Variants in KMT2C observed in about 807,000 individuals in gnomAD.
The protein encoded by KMT2C is lysine methyltransferase 2C, also known as histone-lysine N-methyltransferase 2C.
KMT2C carries 88 observed loss-of-function variants against 507.9 expected under a neutral mutation model. The ratio of observed to expected loss-of-function variants is 0.17; its 90% CI spans 0.15 to 0.21. The LOEUF (loss-of-function observed/expected upper bound fraction) is 0.21. KMT2C is among the 10% of genes least tolerant of loss of function. KMT2C has a pLI of 1.00. For synonymous variants in KMT2C, 2,049 were observed against 2,080.8 expected, an observed-to-expected ratio of 0.98 and a Z score of 0.42; for missense variants, 4,954 against 5,957.8, an observed-to-expected ratio of 0.83 and a Z score of 5.55.
intron 58 of KMT2C, 169 bp from the exon 59 acceptor site, chr7:152,137,093 T>C (rs1452812660): frequency 1.0e-5 from 6 of 602,768 alleles, no homozygotes; most frequent in Non-Finnish European, 1.8e-5. Context: ...AAAAGAGGCA[T>C]TGTGCTTGCA....
chr7:152,139,345 A>T, intron 56 of KMT2C, 86 bp from the exon 57 acceptor site: 1 of 1,246,600 alleles, frequency 8.0e-7, no homozygotes, highest in Non-Finnish European at 1.2e-6. Context: ...GACTCAGTCG[A>T]AACTGAACGG....
In KMT2C at chr7:152,176,534, C is replaced by T. The variant is rs780725159; in HGVS notation, c.8919G>A (p.Val2973=). The T allele has an allele frequency of 1.2e-6, 2 of 1,613,998 alleles. No individual in the cohort carries two copies. The highest frequency in any genetic ancestry group is 1.7e-6 in the Non-Finnish European group (2 of 1,180,030). ...CATGGTTTACCCTAGAGACTACTGTCACATTAGAATTCATGGCATTATCCA... is the reference window on the plus strand; with the variant it reads ...CATGGTTTACCCTAGAGACTACTGTTACATTAGAATTCATGGCATTATCCA... The part of the protein sequence containing the change: ...RVLDNAMNSN[V]TVVSRVNHVF... Residue 2973 remains valine, a synonymous_variant, in exon 38 of 59, where the codon GTG becomes GTA. Coordinates refer to ENST00000262189, the MANE Select transcript of KMT2C (RefSeq NM_170606.3).
intron 27 of KMT2C, 133 bp downstream of exon 27, chr7:152,199,146 T>TA: frequency 3.0e-6 from 2 of 667,310 alleles, no homozygotes; most frequent in Non-Finnish European, 4.9e-6. Context: ...TTACTGAATG[T>TA]AAGTTATACT....
intron 7 of KMT2C, among the ~76,000 whole-genome samples, chr7:152,269,944 T>C (rs1241830771): frequency 6.6e-6 from 1 of 152,150 alleles, no homozygotes; most frequent in Non-Finnish European, 1.5e-5. Flanking sequence ...TTATCACAGA[T>C]CCTTAAACCT....
intron 55 of KMT2C, among the ~76,000 whole-genome samples, chr7:152,141,712 CAAAAAAAA>C (rs1249621681): frequency 1.6e-5 from 1 of 61,872 alleles, no homozygotes; most frequent in Non-Finnish European, 3.5e-5. Context: ...GACTCTGTCT[CAAAAAAAA>C]AAAAAAAAAA....
intron 41 of KMT2C, among the ~76,000 whole-genome samples, chr7:152,168,285 T>C (rs962903054): frequency 2.0e-5 from 3 of 152,214 alleles, no homozygotes; most frequent in Non-Finnish European, 2.9e-5. Flanking sequence ...AATATTGTCA[T>C]ACATTAAGAA....
intron 18 of KMT2C, among the ~76,000 whole-genome samples, chr7:152,228,134 A>T (rs1015146747): frequency 6.6e-6 from 1 of 152,158 alleles, no homozygotes; most frequent in African/African-American, 2.4e-5. Flanking sequence ...TATTACATTG[A>T]TATTGTACAG....
At chr7:152,288,940 C>T (rs1175669903) in intron 6 of KMT2C, among the ~76,000 whole-genome samples, 1 of 152,282 alleles carries the variant, frequency 6.6e-6, no homozygotes, top group Non-Finnish European at 1.5e-5. Flanking sequence ...GCAAAAACAT[C>T]CATTAGTAAT....
intron 23 of KMT2C, chr7:152,220,288 G>A: frequency 5.8e-6 from 3 of 513,086 alleles, no homozygotes; most frequent in South Asian, 4.8e-5. Flanking sequence ...CAAAGATATG[G>A]TGCTCCTTGA....
intron 55 of KMT2C, among the ~76,000 whole-genome samples, chr7:152,141,735 C>A (rs1486401252): frequency 7.3e-6 from 1 of 136,724 alleles, no homozygotes; most frequent in Non-Finnish European, 1.5e-5. Context: ...AAAAAAAATT[C>A]ATGCCAGCCA....
intron 9 of KMT2C, among the ~76,000 whole-genome samples, 158 bp from the exon 10 acceptor site, chr7:152,252,873 G>A (rs2095583154): frequency 6.7e-6 from 1 of 149,824 alleles, no homozygotes; most frequent in South Asian, 2.1e-4. Flanking sequence ...TTTTTTTTGA[G>A]ATGGACTCTT....
intron 9 of KMT2C, among the ~76,000 whole-genome samples, chr7:152,253,325 C>T (rs1447062778): frequency 1.3e-5 from 2 of 151,560 alleles, no homozygotes; most frequent in Non-Finnish European, 2.9e-5. Context: ...AAAAAAGAAA[C>T]ATATGCTAGG....
At chr7:152,199,218 A>C in intron 27 of KMT2C, 61 bp downstream of exon 27, 1 of 1,333,244 alleles carries the variant, frequency 7.5e-7, no homozygotes, top group Non-Finnish European at 1.0e-6. Context: ...AAAAGATTTA[A>C]CTGAAAGGAA....
At chr7:152,413,920 A>C (rs1208748369) in intron 1 of KMT2C, among the ~76,000 whole-genome samples, 1 of 150,012 alleles carries the variant, frequency 6.7e-6, no homozygotes, top group Non-Finnish European at 1.5e-5. Context: ...GTCATTTAGA[A>C]AATGTATGAG....
chr7:152,304,951 T>C (rs2096602552), intron 6 of KMT2C, among the ~76,000 whole-genome samples: 1 of 152,220 alleles, frequency 6.6e-6, no homozygotes, highest in African/African-American at 2.4e-5. Flanking sequence ...TGGCTCCTCC[T>C]TCCCAATCAT....
chr7:152,243,266 A>G (rs1405931309), intron 14 of KMT2C, among the ~76,000 whole-genome samples: 1 of 152,234 alleles, frequency 6.6e-6, no homozygotes, highest in Non-Finnish European at 1.5e-5. Flanking sequence ...ATACCACAAC[A>G]AGCACAAGTG....
chr7:152,323,111 G>A (rs2096786873), intron 3 of KMT2C, among the ~76,000 whole-genome samples: 1 of 151,854 alleles, frequency 6.6e-6, no homozygotes, highest in Non-Finnish European at 1.5e-5. Context: ...ATGGAAAATG[G>A]TAAAGAGGTT....
At chr7:152,235,160 G>A (rs937516964) in intron 16 of KMT2C, among the ~76,000 whole-genome samples, 2 of 151,182 alleles carry the variant, frequency 1.3e-5, no homozygotes, top group Non-Finnish European at 2.9e-5. Flanking sequence ...GAAGCTTTGG[G>A]AGATGAATAT....
chr7:152,316,557 C>T (rs952985852), intron 3 of KMT2C, among the ~76,000 whole-genome samples: 2 of 152,144 alleles, frequency 1.3e-5, no homozygotes, highest in Admixed American at 6.5e-5. Flanking sequence ...TTTACTGCTG[C>T]TATACCCAAA....
Sources: allele counts gnomAD v4.1 joint callset (sites outside exome capture counted in the v4.1 genomes callset), GRCh38; gene constraint gnomAD v4.1.1; transcripts MANE v1.5; gene names NCBI Gene and HGNC (gene_info 2026-07-23, HGNC 2026-07-21).